Variants in CD1B observed in about 807,000 individuals in gnomAD.
CD1B encodes the protein CD1b molecule.
CD1B carries 43 observed loss-of-function variants against 39.8 expected under a neutral mutation model. The ratio of observed to expected loss-of-function variants is 1.08; its 90% confidence interval spans 0.85 to 1.39. The LOEUF (loss-of-function observed/expected upper bound fraction) is 1.39. CD1B is among the 40% of genes most tolerant of loss of function. The pLI is 0.00. For synonymous variants in CD1B, 192 were observed against 152.5 expected, an observed-to-expected ratio of 1.26 and a Z score of -1.91; for missense variants, 495 against 403.8, an observed-to-expected ratio of 1.23 and a Z score of -1.94.
At chr1:158,323,298 A>G (rs1652250041), downstream of CD1B, among the ~76,000 whole-genome samples, 1 of 149,956 alleles carries the variant, frequency 6.7e-6, no homozygotes, top group Admixed American at 6.7e-5. Flanking sequence ...TGCATTTCTT[A>G]TTTCATTAAT....
the CD1B span, among the ~76,000 whole-genome samples, chr1:158,320,237 G>A: frequency 6.6e-6 from 1 of 152,200 alleles, no homozygotes; most frequent in Non-Finnish European, 1.5e-5. Context: ...CTGGGCAATG[G>A]TGGGCGCCCC....
the CD1B span, among the ~76,000 whole-genome samples, chr1:158,310,933 T>G: frequency 7.3e-4 from 111 of 152,258 alleles, no homozygotes; most frequent in African/African-American, 2.6e-3. Context: ...AAAACAGAAC[T>G]TAAAAACTAC....
rs781479291 is a variant in CD1B, at chr1:158,330,943, C to T, written c.181G>A (p.Asp61Asn). ...DDLQIHGWDS[D>N]SGTAIFLKPW... is the part of the protein sequence containing the mutation. ...TTCAGGAATATGGCAGTGCCTGAGT[C>T]GCTATCCCAGCCATGAATCTGCAAA... is the stretch of plus-strand genomic sequence containing the variant. The change falls in exon 2 of 6, where the codon GAC (aspartate) becomes AAC (asparagine). Residue 61 changes from aspartate to asparagine, a missense_variant. By Grantham distance (23) the Asp-to-Asn change is conservative. Coordinates refer to ENST00000368168, the MANE Select transcript of CD1B (RefSeq NM_001764.3). 32 of 1,614,012 alleles carry T rather than the reference C, an allele frequency of 2.0e-5. No homozygotes were observed. Among genetic ancestry groups the T allele is most frequent in the Middle Eastern group, 3.3e-4 (2 of 6,084 alleles).
At chr1:158,330,432 G>A (rs537914737) in intron 2 of CD1B, 112 of 557,830 alleles carry the variant, frequency 2.0e-4, no homozygotes, top group Non-Finnish European at 2.1e-4. Flanking sequence ...CCCAGCAAGA[G>A]GAGGGTGCGG....
the CD1B span, among the ~76,000 whole-genome samples, chr1:158,322,941 C>G: frequency 2.6e-5 from 4 of 152,118 alleles, no homozygotes; most frequent in Admixed American, 2.6e-4. Flanking sequence ...GTTTTTATTT[C>G]GAGAGTCAAA....
the CD1B span, chr1:158,291,171 C>A: frequency 1.2e-6 from 2 of 1,613,070 alleles, no homozygotes; most frequent in Non-Finnish European, 1.7e-6. Flanking sequence ...TCATCCAGAT[C>A]TTCTCATTTG....
the CD1B span, among the ~76,000 whole-genome samples, chr1:158,301,919 C>A: frequency 3.9e-5 from 6 of 152,070 alleles, no homozygotes; most frequent in African/African-American, 1.5e-4. Flanking sequence ...CTTTCAGGTA[C>A]ACAAATCAAA....
the CD1B span, among the ~76,000 whole-genome samples, chr1:158,308,695 A>T: frequency 6.6e-6 from 1 of 152,218 alleles, no homozygotes; most frequent in Non-Finnish European, 1.5e-5. Flanking sequence ...TAACCATCTG[A>T]TCTTTGACAA....
At chr1:158,293,233 G>C in the CD1B span, 2 of 1,613,920 alleles carry the variant, frequency 1.2e-6, no homozygotes, top group Middle Eastern at 3.3e-4. Flanking sequence ...TCCATGAATT[G>C]GATTGCCTTG....
At chr1:158,290,095 C>T in the CD1B span, 38 of 1,613,686 alleles carry the variant, frequency 2.4e-5, no homozygotes, top group Non-Finnish European at 2.6e-5. Context: ...GCTGCTAGCT[C>T]TTCTTCTCCC....
chr1:158,311,074 A>G, the CD1B span, among the ~76,000 whole-genome samples: 2 of 152,306 alleles, frequency 1.3e-5, no homozygotes, highest in East Asian at 1.9e-4. Context: ...GGAAAAAAAT[A>G]ATTTTTAAAA....
chr1:158,329,454 C>T lies in CD1B; in HGVS notation c.802G>A (p.Asp268Asn), dbSNP rs1466719017. The T allele has an allele frequency of 7.4e-6, 12 of 1,614,058 alleles. No individual in the cohort carries two copies. In the South Asian group the frequency reaches 1.2e-4, roughly 16 times the overall value. ...CCAGCCGCCTCCCCATCTGCCACAT[C>T]CAGGGTTGCTCGGAGATACCATGTC... ...NWTWYLRATL[D>N]VADGEAAGLS... Residue 268 changes from aspartate to asparagine, a missense_variant, in exon 4 of 6, where the codon GAT (aspartate) becomes AAT (asparagine). By Grantham distance (23) the Asp-to-Asn change is conservative. Coordinates refer to ENST00000368168, the MANE Select transcript of CD1B (RefSeq NM_001764.3).
chr1:158,294,543 T>C, the CD1B span, among the ~76,000 whole-genome samples: 7 of 152,222 alleles, frequency 4.6e-5, no homozygotes, highest in Non-Finnish European at 8.8e-5. Flanking sequence ...TAATTTATAG[T>C]AAAATTTGAA....
the CD1B span, among the ~76,000 whole-genome samples, chr1:158,314,483 T>C: frequency 1.3e-5 from 2 of 152,146 alleles, no homozygotes; most frequent in Non-Finnish European, 2.9e-5. Flanking sequence ...TTATCGTTGC[T>C]TCTCTTCTAC....
chr1:158,310,116 C>A, the CD1B span, among the ~76,000 whole-genome samples: 228 of 152,174 alleles, frequency 1.5e-3, 1 homozygote, highest in African/African-American at 5.2e-3. Flanking sequence ...AGTAGAAAAA[C>A]AAACACATAG....
the CD1B span, among the ~76,000 whole-genome samples, chr1:158,306,686 G>T: frequency 1.6e-4 from 24 of 152,026 alleles, no homozygotes; most frequent in Admixed American, 7.2e-4. Flanking sequence ...GGAAGTAAAG[G>T]TCTCCTTAGC....
the CD1B span, among the ~76,000 whole-genome samples, chr1:158,317,369 C>A: frequency 2.0e-5 from 3 of 152,304 alleles, no homozygotes; most frequent in Admixed American, 6.5e-5. Flanking sequence ...AGAGATTCAA[C>A]TTCTTCCTGG....
the CD1B span, among the ~76,000 whole-genome samples, chr1:158,322,506 T>C: frequency 6.8e-6 from 1 of 146,172 alleles, no homozygotes; most frequent in Non-Finnish European, 1.5e-5. Flanking sequence ...GGTTTTTTAG[T>C]CAATCCACTT....
the CD1B span, among the ~76,000 whole-genome samples, chr1:158,307,871 C>T: frequency 2.6e-5 from 4 of 152,120 alleles, no homozygotes; most frequent in African/African-American, 9.7e-5. Flanking sequence ...AACCCACAGG[C>T]AATATCATAC....
Sources: allele counts gnomAD v4.1 joint callset (sites outside exome capture counted in the v4.1 genomes callset), GRCh38; gene constraint gnomAD v4.1.1; transcripts MANE v1.5; gene names NCBI Gene and HGNC (gene_info 2026-07-23, HGNC 2026-07-21).